The following CNTNAP5 variants were observed in gnomAD, a reference collection of about 807,000 sequenced individuals.
CNTNAP5 encodes the protein contactin-associated protein-like 5.
CNTNAP5 carries 72 observed loss-of-function variants against 150.2 expected under a neutral mutation model. The observed-to-expected ratio is 0.48, with a 90% CI of 0.40 to 0.58. The LOEUF (loss-of-function observed/expected upper bound fraction) is 0.58, where lower values mean the gene tolerates loss of function less well. Among genes scored for constraint, CNTNAP5 ranks in the 20% least tolerant of loss-of-function variants. The pLI is 0.00. For missense variants in CNTNAP5, 1,636 were observed against 1,626.2 expected (o/e 1.01, Z -0.10); for synonymous variants, 672 against 619.8 (o/e 1.08, Z -1.25).
At position 124,764,168 on chromosome 2, in the gene CNTNAP5, A is replaced by C. The variant is rs1300187607; in HGVS notation, c.2533+21A>C. 2.5e-6 allele frequency: 4 copies of C among 1,597,332 alleles called. No homozygotes were observed. In the East Asian group the frequency reaches 8.9e-5, roughly 36 times the overall value. ...AAGCTGTAAGTGCCCTCAATTATGA[A>C]TTTAATGTAACTGATCAACAAACAA... On this transcript the variant is annotated intron_variant, in intron 16 of 23. Transcript: ENST00000682447.
chr2:124,673,242 TA>T (rs5834080), intron 13 of CNTNAP5, among the ~76,000 whole-genome samples: 84,171 of 151,624 alleles, frequency 0.56, 24,213 homozygotes, highest in African/African-American at 0.65. Flanking sequence ...TACATTCTCT[TA>T]AAAAAAACAC....
At chr2:124,378,662 G>A (rs532671581) in intron 3 of CNTNAP5, among the ~76,000 whole-genome samples, 2 of 152,030 alleles carry the variant, frequency 1.3e-5, no homozygotes, top group Admixed American at 1.3e-4. Flanking sequence ...AGACATGGTC[G>A]TAAACTTATC....
intron 3 of CNTNAP5, among the ~76,000 whole-genome samples, chr2:124,358,241 A>G (rs1234847309): frequency 6.6e-6 from 1 of 151,982 alleles, no homozygotes; most frequent in Non-Finnish European, 1.5e-5. Flanking sequence ...CAATCATGTC[A>G]TCTGCAAACA....
At chr2:124,641,843 A>G (rs768960795) in intron 12 of CNTNAP5, among the ~76,000 whole-genome samples, 4 of 152,160 alleles carry the variant, frequency 2.6e-5, no homozygotes, top group Non-Finnish European at 4.4e-5. Flanking sequence ...CTGCAAAGAG[A>G]CAGATATGTG....
intron 4 of CNTNAP5, among the ~76,000 whole-genome samples, chr2:124,419,160 A>AAAAAAAAAAAAAAAAAAAAAAAT (rs1178509424): frequency 6.8e-6 from 1 of 147,558 alleles, no homozygotes; most frequent in Non-Finnish European, 1.5e-5. Context: ...AAAAAAAAAA[A>AAAAAAAAAAAAAAAAAAAAAAAT]AAACAGTATG....
chr2:124,379,412 A>G (rs1040761551), intron 3 of CNTNAP5, among the ~76,000 whole-genome samples: 2 of 152,048 alleles, frequency 1.3e-5, no homozygotes, highest in African/African-American at 2.4e-5. Flanking sequence ...TACAATATGT[A>G]TCCCATTTTA....
chr2:124,051,261 C>T (rs1183753180), intron 1 of CNTNAP5, among the ~76,000 whole-genome samples: 2 of 152,062 alleles, frequency 1.3e-5, no homozygotes, highest in Admixed American at 1.3e-4. Flanking sequence ...ATCAGTTCAA[C>T]AGGTGGTCTA....
At chr2:124,226,958 T>C (rs1274909852) in intron 2 of CNTNAP5, among the ~76,000 whole-genome samples, 3 of 152,248 alleles carry the variant, frequency 2.0e-5, no homozygotes, top group African/African-American at 2.4e-5. Flanking sequence ...CATTAATTAG[T>C]AAATGGATTA....
At chr2:124,597,808 C>T (rs1203260680) in intron 11 of CNTNAP5, among the ~76,000 whole-genome samples, 1 of 151,226 alleles carries the variant, frequency 6.6e-6, no homozygotes, top group Non-Finnish European at 1.5e-5. Context: ...GGTCTTTTCA[C>T]ATAGTCCCAT....
chr2:124,158,246 A>C (rs1400800510), intron 1 of CNTNAP5, among the ~76,000 whole-genome samples: 1 of 152,172 alleles, frequency 6.6e-6, no homozygotes, highest in Non-Finnish European at 1.5e-5. Context: ...TGATTGAAGG[A>C]GTTGATGAGA....
intron 2 of CNTNAP5, among the ~76,000 whole-genome samples, chr2:124,232,183 T>C (rs1227563407): frequency 6.6e-6 from 1 of 152,168 alleles, no homozygotes; most frequent in Non-Finnish European, 1.5e-5. Flanking sequence ...GCAACAAAAC[T>C]GTAAGAATAG....
At chr2:124,194,399 AT>A (rs1558795493) in intron 1 of CNTNAP5, among the ~76,000 whole-genome samples, 6,429 of 46,708 alleles carry the variant, frequency 0.14, 224 homozygotes, top group Middle Eastern at 0.24. Context: ...ATATATATAT[AT>A]ATATATATAT....
chr2:124,263,379 T>G (rs1284900145), intron 3 of CNTNAP5, among the ~76,000 whole-genome samples: 1 of 152,220 alleles, frequency 6.6e-6, no homozygotes, highest in Admixed American at 6.5e-5. Flanking sequence ...TGGTTTTGAT[T>G]TGCATTTCTC....
intron 1 of CNTNAP5, among the ~76,000 whole-genome samples, chr2:124,196,842 C>T (rs1685598555): frequency 6.6e-6 from 1 of 152,174 alleles, no homozygotes; most frequent in Admixed American, 6.5e-5. Flanking sequence ...TGTCCCCAAG[C>T]CCTGGGGACC....
intron 19 of CNTNAP5, among the ~76,000 whole-genome samples, chr2:124,845,438 A>ATT (rs201596844): frequency 0.059 from 7,791 of 131,206 alleles, 247 homozygotes; most frequent in Non-Finnish European, 0.072. Context: ...GGTCTGTAGT[A>ATT]TTTTTTTTTT....
chr2:124,904,657 G>T (rs1678490430), intron 22 of CNTNAP5, among the ~76,000 whole-genome samples: 1 of 151,986 alleles, frequency 6.6e-6, no homozygotes, highest in Non-Finnish European at 1.5e-5. Flanking sequence ...AATTGTGATG[G>T]GGAAATTGAA....
intron 12 of CNTNAP5, among the ~76,000 whole-genome samples, chr2:124,614,730 G>A (rs1352905925): frequency 2.0e-5 from 3 of 152,040 alleles, no homozygotes; most frequent in Non-Finnish European, 4.4e-5. Flanking sequence ...GTGGTATTTG[G>A]CCAGCTTCTT....
chr2:124,475,029 A>G (rs1461849793), intron 7 of CNTNAP5, 147 bp downstream of exon 7: 1 of 591,518 alleles, frequency 1.7e-6, no homozygotes, highest in East Asian at 3.3e-5. Context: ...CTGGAGAGAA[A>G]GAGAATGGCA....
chr2:124,850,530 C>A (rs1683133517), intron 19 of CNTNAP5, among the ~76,000 whole-genome samples: 1 of 152,184 alleles, frequency 6.6e-6, no homozygotes, highest in Middle Eastern at 3.2e-3. Context: ...CATTAGAGGA[C>A]AAGTGGACCT....
Sources: gnomAD v4.1 joint callset for allele counts (sites outside exome capture counted in the v4.1 genomes callset) on GRCh38, gnomAD v4.1.1 for gene constraint, MANE v1.5 for transcripts, NCBI Gene and HGNC (gene_info 2026-07-23, HGNC 2026-07-21) for gene names.